The following PZP variants were observed in gnomAD, a reference collection of about 807,000 sequenced individuals.
PZP encodes the protein pregnancy zone protein.
Under a neutral mutation model 179.8 loss-of-function variants are expected in PZP, and 150 were observed. The ratio of observed to expected loss-of-function variants is 0.83; its 90% CI spans 0.73 to 0.96. PZP has a LOEUF of 0.96. Ranked by LOEUF, PZP falls within the 40% of genes least tolerant of loss-of-function variation. The pLI is 0.00. For synonymous variants in PZP, 624 were observed against 652.3 expected (o/e 0.96, Z 0.66); for missense variants, 1,689 against 1,764.0 (o/e 0.96, Z 0.76).
chr12:9,152,585 A>T (rs1036911177), intron 31 of PZP, among the ~76,000 whole-genome samples: 1 of 152,166 alleles, frequency 6.6e-6, no homozygotes. Context: ...CATTTTTAAC[A>T]TATCTATGGT....
At chr12:9,157,074 T>A in intron 28 of PZP, 101 bp downstream of exon 28, 1 of 1,139,054 alleles carries the variant, frequency 8.8e-7, no homozygotes, top group Non-Finnish European at 1.2e-6. Flanking sequence ...ATCCTGATGC[T>A]CTCCCTCTCC....
At chr12:9,147,935 C>T (rs1040361065), downstream of PZP, among the ~76,000 whole-genome samples, 1 of 151,806 alleles carries the variant, frequency 6.6e-6, no homozygotes, top group African/African-American at 2.4e-5. Flanking sequence ...TTTTTTCTCC[C>T]ACACTACATT....
At chr12:9,189,162 G>A (rs184830231) in intron 13 of PZP, among the ~76,000 whole-genome samples, 33 of 152,140 alleles carry the variant, frequency 2.2e-4, no homozygotes, top group African/African-American at 5.3e-4. Context: ...AAATGTATAT[G>A]GAACTAAAAA....
At position 9,169,601 on chromosome 12, in the gene PZP, T is replaced by TG; in HGVS notation, c.1840-11dup. 1.3e-6 allele frequency: 2 copies of TG among 1,584,298 alleles called. No homozygotes were observed. Among genetic ancestry groups the TG allele is most frequent in the East Asian group, 2.3e-5 (1 of 44,002 alleles). ...TTAGCAGATTATATACCTGTAGCAG[T>TG]GGGGGGATCAAAGGCAGAACTGTTA... On this transcript the variant is annotated splice_polypyrimidine_tract_variant and intron_variant, in intron 15 of 35. Transcript: ENST00000261336.
intron 15 of PZP, among the ~76,000 whole-genome samples, chr12:9,174,727 T>A (rs1199853775): frequency 6.6e-6 from 1 of 151,974 alleles, no homozygotes; most frequent in Non-Finnish European, 1.5e-5. Flanking sequence ...ACAGAAAGAA[T>A]AAAATACCTA....
intron 13 of PZP, among the ~76,000 whole-genome samples, chr12:9,189,574 A>T (rs1943333390): frequency 6.6e-6 from 1 of 152,218 alleles, no homozygotes; most frequent in African/African-American, 2.4e-5. Flanking sequence ...TTCTGGACAC[A>T]GGAACTGCAA....
At chr12:9,161,159 T>G in intron 22 of PZP, 43 bp from the exon 23 acceptor site, 1 of 1,438,166 alleles carries the variant, frequency 7.0e-7, no homozygotes, top group South Asian at 1.3e-5. Context: ...ACATCTATGA[T>G]TACAATATAA....
chr12:9,196,569 A>G lies in PZP; in HGVS notation c.982+2T>C, dbSNP rs200799057. On this transcript the variant is annotated splice_donor_variant, in intron 9 of 35. Coordinates refer to ENST00000261336, the MANE Select transcript of PZP (RefSeq NM_002864.3). LOFTEE classifies it high-confidence loss of function. ...TTTCCCATATTCGTTCATTACTCACACCTGTCCCCTCTTCTCTGATCCTGG... is the reference window on the plus strand; with the variant it reads ...TTTCCCATATTCGTTCATTACTCACGCCTGTCCCCTCTTCTCTGATCCTGG... 3.0e-5 allele frequency: 48 copies of G among 1,596,844 alleles called. No homozygotes were observed. Among genetic ancestry groups the G allele is most frequent in the Non-Finnish European group, 4.0e-5 (46 of 1,164,552 alleles).
At chr12:9,187,291 C>A (rs1943189191) in intron 13 of PZP, among the ~76,000 whole-genome samples, 1 of 151,996 alleles carries the variant, frequency 6.6e-6, no homozygotes, top group South Asian at 2.1e-4. Flanking sequence ...ATCATCAAGG[C>A]AGAAATTTAG....
In PZP at chr12:9,160,270, G is replaced by C. The variant is rs185974524; in HGVS notation, c.3049+44C>G. The C allele has an allele frequency of 2.5e-5, 39 of 1,536,802 alleles. No individual in the cohort carries two copies. In the Admixed American group the frequency reaches 7.2e-4, roughly 28 times the overall value. ...TATAACTGAAGCTTAATTGGGAAAA[G>C]TTTCATTAGAGTAACAAAGTAAATT... On this transcript the variant is annotated intron_variant, in intron 24 of 35. Coordinates refer to ENST00000261336, the MANE Select transcript of PZP (RefSeq NM_002864.3).
Position 9,161,082 on chromosome 12 carries a change from G to C in PZP, c.2823C>G (p.Leu941=). 6.2e-7 allele frequency: 1 copy of C among 1,602,260 alleles called. No homozygotes were observed. The highest frequency in any genetic ancestry group is 1.1e-5 in the South Asian group (1 of 90,416). The part of the protein sequence containing the change: ...ANVSEQLSLK[L]PSNVVKESAR... ...CAGATTCTTTGACCACATTTGATGGGAGCTTCAAGGACAACTGCTCAGACA... is the reference window on the plus strand; with the variant it reads ...CAGATTCTTTGACCACATTTGATGGCAGCTTCAAGGACAACTGCTCAGACA... The change falls in exon 23 of 36, where the codon CTC becomes CTG. Residue 941 remains leucine (L), a synonymous_variant. Transcript: ENST00000261336.
At chr12:9,185,129 G>A (rs752168909) in intron 13 of PZP, among the ~76,000 whole-genome samples, 13 of 152,206 alleles carry the variant, frequency 8.5e-5, no homozygotes, top group Non-Finnish European at 1.3e-4. Context: ...AGGAATGAAG[G>A]TCATTGAGAT....
At chr12:9,200,312 C>A (rs6487668) in intron 7 of PZP, 52 bp downstream of exon 7, 1,001,812 of 1,280,880 alleles carry the variant, frequency 0.78, 393,085 homozygotes, top group East Asian at 0.89. Context: ...CTACATAATC[C>A]CTCAAAATTG....
At chr12:9,145,099 T>A (rs1939940454), downstream of PZP, among the ~76,000 whole-genome samples, 1 of 152,208 alleles carries the variant, frequency 6.6e-6, no homozygotes, top group Admixed American at 6.5e-5. Flanking sequence ...ATAGAATATA[T>A]TTGGGTCTGT....
rs188078627 is a variant in PZP, at chr12:9,182,102, G to A, written c.1562C>T (p.Ala521Val). ...GTCTGACTCCACAGGGAAGGATAAGGCAAAACTGCCTTTCACTGGAACATG... is the reference window on the plus strand; with the variant it reads ...GTCTGACTCCACAGGGAAGGATAAGACAAAACTGCCTTTCACTGGAACATG... ...VESGDMKGSF[A>V]LSFPVESDVA... Residue 521 changes from alanine (A) to valine (V), a missense_variant, in exon 14 of 36, where the codon GCC becomes GTC. Ala to Val is a moderately conservative substitution (Grantham distance 64). Coordinates refer to ENST00000261336, the MANE Select transcript of PZP (RefSeq NM_002864.3). The A allele has an allele frequency of 6.9e-5, 104 of 1,515,524 alleles. No homozygotes were observed. In the East Asian group the frequency reaches 1.8e-3, roughly 26 times the overall value. The allele number at this position is 1,515,524 out of a possible 1,614,324, so 93.9% of individuals were successfully genotyped here. A position where few individuals can be genotyped will look rare whatever the true frequency, so the allele number is the denominator to read the frequency against.
At chr12:9,203,549 G>GC (rs1944294890) in intron 2 of PZP, among the ~76,000 whole-genome samples, 1 of 151,918 alleles carries the variant, frequency 6.6e-6, no homozygotes, top group Non-Finnish European at 1.5e-5. Context: ...CATCTTGTTA[G>GC]CCAGGATGGT....
At chr12:9,145,669 G>C (rs1008144317), downstream of PZP, among the ~76,000 whole-genome samples, 5 of 152,098 alleles carry the variant, frequency 3.3e-5, no homozygotes, top group Admixed American at 2.0e-4. Flanking sequence ...TTGTGTTGCT[G>C]TTTAGTGTCC....
intron 14 of PZP, 76 bp downstream of exon 14, chr12:9,181,897 GTT>G: frequency 6.7e-7 from 1 of 1,486,722 alleles, no homozygotes. Context: ...TCTGGACTTA[GTT>G]TTCTCTGGGG....
chr12:9,161,228 C>T lies in PZP; in HGVS notation c.2789-112G>A, dbSNP rs1312106461. On this transcript the variant is annotated intron_variant, in intron 22 of 35. Transcript: ENST00000261336. ...CCACACTCCCTGGATATGGTACTGGCCCTGCTTTGTGACCTTGGGTAAATT... is the reference window on the plus strand; with the variant it reads ...CCACACTCCCTGGATATGGTACTGGTCCTGCTTTGTGACCTTGGGTAAATT... The T allele has an allele frequency of 4.6e-6, 4 of 871,118 alleles. No individual in the cohort carries two copies. In the East Asian group the frequency reaches 1.1e-4, roughly 23 times the overall value. 54.0% of individuals were successfully genotyped at this position (871,118 alleles called of 1,614,324 possible). A position where few individuals can be genotyped will look rare whatever the true frequency, so the allele number is the denominator to read the frequency against.
Sources: gnomAD v4.1 joint callset for allele counts (sites outside exome capture counted in the v4.1 genomes callset) on GRCh38, gnomAD v4.1.1 for gene constraint, MANE v1.5 for transcripts, NCBI Gene and HGNC (gene_info 2026-07-23, HGNC 2026-07-21) for gene names.